CRTAC1: variants seen among roughly 807,000 people sequenced by gnomAD.
CRTAC1 encodes the protein acidic secreted protein in cartilage.
In CRTAC1, 37 loss-of-function variants were observed where a neutral mutation model predicts 67.8. That is an observed-to-expected ratio of 0.55 (90% CI 0.42 to 0.72). The LOEUF is 0.72. Among genes scored for constraint, CRTAC1 ranks in the 30% least tolerant of loss-of-function variants. The pLI, the probability that CRTAC1 is intolerant of heterozygous loss-of-function variation, is 0.00. For synonymous variants in CRTAC1, 348 were observed against 371.0 expected, an observed-to-expected ratio of 0.94 and a Z score of 0.71; for missense variants, 780 against 931.6, an observed-to-expected ratio of 0.84 and a Z score of 2.12.
intron 2 of CRTAC1, among the ~76,000 whole-genome samples, chr10:97,983,414 A>T (rs1426308066): frequency 6.6e-6 from 1 of 151,850 alleles, no homozygotes; most frequent in Non-Finnish European, 1.5e-5. Context: ...AAGAGATAGA[A>T]AAAGAATGTT....
chr10:97,968,522 G>A (rs1239223075), intron 2 of CRTAC1, among the ~76,000 whole-genome samples: 1 of 152,204 alleles, frequency 6.6e-6, no homozygotes, highest in Non-Finnish European at 1.5e-5. Flanking sequence ...ACAGGTGTGA[G>A]CCACCACGCC....
chr10:97,979,187 T>C (rs1008010033), intron 2 of CRTAC1, among the ~76,000 whole-genome samples: 2 of 152,134 alleles, frequency 1.3e-5, no homozygotes, highest in Non-Finnish European at 2.9e-5. Context: ...TACTTATGCT[T>C]ATGTGGCTTT....
At chr10:97,941,253 G>T (rs1332254474) in intron 2 of CRTAC1, among the ~76,000 whole-genome samples, 1 of 152,046 alleles carries the variant, frequency 6.6e-6, no homozygotes, top group Non-Finnish European at 1.5e-5. Context: ...GGCCAAGGAG[G>T]CCAACTTCCT....
chr10:98,025,223 T>A (rs935427211), intron 1 of CRTAC1, among the ~76,000 whole-genome samples: 2 of 152,150 alleles, frequency 1.3e-5, no homozygotes, highest in Non-Finnish European at 2.9e-5. Context: ...CCCGGGTTTC[T>A]CAATCTTGGT....
chr10:98,007,176 ATAAG>A (rs1234773394), intron 2 of CRTAC1, among the ~76,000 whole-genome samples: 1 of 152,236 alleles, frequency 6.6e-6, no homozygotes, highest in African/African-American at 2.4e-5. Flanking sequence ...GGTTCTTGAC[ATAAG>A]TAACTATCGA....
intron 3 of CRTAC1, among the ~76,000 whole-genome samples, chr10:97,935,894 G>A (rs377390447): frequency 2.7e-4 from 41 of 152,256 alleles, no homozygotes; most frequent in Admixed American, 8.5e-4. Context: ...ATTAGGAGGC[G>A]GTGGTGGGGA....
At chr10:97,889,763 C>T (rs528827176) in intron 11 of CRTAC1, among the ~76,000 whole-genome samples, 76 of 152,216 alleles carry the variant, frequency 5.0e-4, no homozygotes, top group African/African-American at 1.5e-3. Context: ...GGAGGCAGCG[C>T]GTGACTCATG....
At chr10:97,976,078 C>T (rs903253612) in intron 2 of CRTAC1, among the ~76,000 whole-genome samples, 1 of 152,188 alleles carries the variant, frequency 6.6e-6, no homozygotes, top group Non-Finnish European at 1.5e-5. Context: ...AGAGCCTGTT[C>T]CTGGCCATCT....
intron 1 of CRTAC1, among the ~76,000 whole-genome samples, chr10:98,025,462 G>A (rs1030387118): frequency 2.0e-5 from 3 of 152,152 alleles, no homozygotes; most frequent in Non-Finnish European, 4.4e-5. Flanking sequence ...ATCATGAGTG[G>A]TTCAGGGGAA....
intron 2 of CRTAC1, among the ~76,000 whole-genome samples, chr10:97,945,266 G>A (rs1423467047): frequency 6.6e-6 from 1 of 152,176 alleles, no homozygotes; most frequent in African/African-American, 2.4e-5. Context: ...GGTCTGTGCA[G>A]AGCCCGAGGG....
intron 2 of CRTAC1, among the ~76,000 whole-genome samples, chr10:97,960,301 G>A (rs2051506120): frequency 6.6e-6 from 1 of 152,200 alleles, no homozygotes; most frequent in Non-Finnish European, 1.5e-5. Context: ...AGCCCCTCTT[G>A]TCAGCAGCAT....
chr10:97,974,379 C>T (rs1163073220), intron 2 of CRTAC1, among the ~76,000 whole-genome samples: 2 of 152,192 alleles, frequency 1.3e-5, no homozygotes, highest in African/African-American at 4.8e-5. Flanking sequence ...CTGAGGTTCA[C>T]GTGCACTCAG....
At chr10:97,905,983 C>T (rs1032980270) in intron 6 of CRTAC1, among the ~76,000 whole-genome samples, 11 of 152,218 alleles carry the variant, frequency 7.2e-5, no homozygotes, top group Non-Finnish European at 1.2e-4. Context: ...CACCCACCCA[C>T]GTTGACTCTT....
At chr10:98,017,061 A>C (rs1325832711) in intron 1 of CRTAC1, among the ~76,000 whole-genome samples, 2 of 152,122 alleles carry the variant, frequency 1.3e-5, no homozygotes, top group Admixed American at 1.3e-4. Context: ...AATAGAATGA[A>C]AAAGTAGGTT....
chr10:97,971,926 C>T (rs1031103284), intron 2 of CRTAC1, among the ~76,000 whole-genome samples: 1 of 152,152 alleles, frequency 6.6e-6, no homozygotes, highest in African/African-American at 2.4e-5. Context: ...CGCAGGGGAG[C>T]TGGACATGGC....
rs376070427 is a variant in CRTAC1 at position 97,917,545 on chromosome 10, C to T, written c.670G>A (p.Ala224Thr). Residue 224 changes from alanine (A) to threonine (T), a missense_variant, in exon 5 of 15, where the codon GCG (alanine) becomes ACG (threonine). Physicochemically the swap from Ala to Thr is moderately conservative, Grantham distance 58. Coordinates refer to ENST00000370597, the MANE Select transcript of CRTAC1 (RefSeq NM_018058.7). Reference sequence around the variant, plus strand: ...GCCTCAGCAGCCACATCTCTGAGCGCCAGAATGCCCCGGGAGAGGTCACTG... The same window carrying T: ...GCCTCAGCAGCCACATCTCTGAGCGTCAGAATGCCCCGGGAGAGGTCACTG... ...EASDLSRGIL[A>T]LRDVAAEAGV... 6 of 1,594,466 alleles carry T rather than the reference C, an allele frequency of 3.8e-6. No individual in the cohort carries two copies. Among genetic ancestry groups the T allele is most frequent in the Non-Finnish European group, 5.1e-6 (6 of 1,168,056 alleles).
chr10:98,015,216 A>G (rs1015119586), intron 1 of CRTAC1, among the ~76,000 whole-genome samples: 1 of 152,244 alleles, frequency 6.6e-6, no homozygotes, highest in Non-Finnish European at 1.5e-5. Flanking sequence ...GTAAATCTTG[A>G]AGACATTATG....
chr10:98,006,414 T>G (rs1842791370), intron 2 of CRTAC1, among the ~76,000 whole-genome samples: 1 of 152,126 alleles, frequency 6.6e-6, no homozygotes, highest in Admixed American at 6.5e-5. Context: ...GCGGAGGCAC[T>G]CGCCCAGATG....
chr10:97,895,359 C>T lies in CRTAC1; in HGVS notation c.1372G>A (p.Ala458Thr). The T allele has an allele frequency of 1.2e-6, 2 of 1,612,836 alleles. No individual in the cohort carries two copies. Among genetic ancestry groups the T allele is most frequent in the Non-Finnish European group, 1.7e-6 (2 of 1,179,594 alleles). The change falls in exon 11 of 15, where the codon GCC becomes ACC. Residue 458 changes from alanine (A) to threonine (T), a missense_variant. Ala to Thr is a moderately conservative substitution (Grantham distance 58). Transcript: ENST00000370597. This position sits in a 1 kb window ranked among gnomAD's most constrained non-coding sequence, Gnocchi z 4.2. Reference protein sequence around the residue: ...VVPRTRFGAFARGAKVVLYTK... With the variant: ...VVPRTRFGAFTRGAKVVLYTK... ...TAGAGCACGACCTTAGCTCCCCTGG[C>T]AAAGGCCCCAAACCGGGTGCGTGGC...
Sources: gnomAD v4.1 joint callset for allele counts (sites outside exome capture counted in the v4.1 genomes callset) on GRCh38, gnomAD v4.1.1 for gene constraint, Gnocchi (gnomAD v3.1) non-coding constraint, MANE v1.5 for transcripts, NCBI Gene and HGNC (gene_info 2026-07-23, HGNC 2026-07-21) for gene names.